LHFPL2: variants seen among roughly 807,000 people sequenced by gnomAD.
LHFPL2 encodes the protein LHFPL tetraspan subfamily member 2 protein.
Under a neutral mutation model 17.5 loss-of-function variants are expected in LHFPL2, and 7 were observed. The ratio of observed to expected loss-of-function variants is 0.40; its 90% CI spans 0.23 to 0.75. The LOEUF is 0.75. Among genes scored for constraint, LHFPL2 ranks in the 30% least tolerant of loss-of-function variants. The pLI is 0.37. For missense variants in LHFPL2, 241 were observed against 294.8 expected, an observed-to-expected ratio of 0.82 and a Z score of 1.34; for synonymous variants, 134 against 116.2, an observed-to-expected ratio of 1.15 and a Z score of -0.99.
chr5:78,586,843 G>T (rs948282407), intron 2 of LHFPL2, among the ~76,000 whole-genome samples: 2 of 152,186 alleles, frequency 1.3e-5, no homozygotes, highest in Admixed American at 6.5e-5. Context: ...CTAGAAAGGA[G>T]CATTTCCACA....
At chr5:78,511,142 G>A (rs1439576123) in intron 3 of LHFPL2, among the ~76,000 whole-genome samples, 1 of 151,984 alleles carries the variant, frequency 6.6e-6, no homozygotes, top group Non-Finnish European at 1.5e-5. Flanking sequence ...GACTTACTTG[G>A]GGAAATTATT....
chr5:78,592,521 C>CGAG (rs1743662033), intron 2 of LHFPL2, among the ~76,000 whole-genome samples: 1 of 152,172 alleles, frequency 6.6e-6, no homozygotes, highest in Non-Finnish European at 1.5e-5. Flanking sequence ...CAATTATGTA[C>CGAG]GAGACTGGCC....
At chr5:78,564,465 AATG>A (rs1192517984) in intron 3 of LHFPL2, among the ~76,000 whole-genome samples, 2 of 152,182 alleles carry the variant, frequency 1.3e-5, no homozygotes, top group East Asian at 1.9e-4. Flanking sequence ...AAATGATAAA[AATG>A]ATGAAATGGT....
chr5:78,627,920 G>A (rs1745110421), intron 2 of LHFPL2, among the ~76,000 whole-genome samples: 1 of 152,202 alleles, frequency 6.6e-6, no homozygotes, highest in Non-Finnish European at 1.5e-5. Context: ...TCCCAACTCT[G>A]CAGGAGCTCA....
chr5:78,639,332 AAAACAAACAAAC>A (rs751237454), intron 1 of LHFPL2, among the ~76,000 whole-genome samples: 1 of 152,182 alleles, frequency 6.6e-6, no homozygotes, highest in African/African-American at 2.4e-5. Flanking sequence ...CAAGCTGGGA[AAAACAAACAAAC>A]AAACAAACAA....
chr5:78,561,184 G>T (rs899135532), intron 3 of LHFPL2, among the ~76,000 whole-genome samples: 1 of 152,144 alleles, frequency 6.6e-6, no homozygotes, highest in Non-Finnish European at 1.5e-5. Context: ...AAAATTTACA[G>T]TAGAAAAAGT....
At chr5:78,580,465 T>A (rs1743081227) in intron 2 of LHFPL2, among the ~76,000 whole-genome samples, 1 of 150,672 alleles carries the variant, frequency 6.6e-6, no homozygotes. Flanking sequence ...CTTCTAGGGT[T>A]TTTACGGTTT....
At chr5:78,489,203 CTGTCCAGATCTGT>C (rs1202993211) in intron 4 of LHFPL2, 50 bp from the exon 5 acceptor site, 2 of 1,595,470 alleles carry the variant, frequency 1.3e-6, no homozygotes, top group Admixed American at 3.4e-5. Flanking sequence ...GGTGCTACAA[CTGTCCAGATCTGT>C]TGTAATTGTT....
intron 2 of LHFPL2, among the ~76,000 whole-genome samples, chr5:78,588,327 C>T (rs1743505025): frequency 6.6e-6 from 1 of 152,208 alleles, no homozygotes; most frequent in Non-Finnish European, 1.5e-5. Context: ...CATGACACAG[C>T]ACCCAGCTTA....
At chr5:78,604,131 C>T (rs1168359203) in intron 2 of LHFPL2, among the ~76,000 whole-genome samples, 1 of 152,118 alleles carries the variant, frequency 6.6e-6, no homozygotes, top group Non-Finnish European at 1.5e-5. Flanking sequence ...TAAAGCAATA[C>T]TATATACCCA....
At position 78,510,405 on chromosome 5, in the gene LHFPL2, G is replaced by A; in HGVS notation, c.-185-7C>T. ...GCACCGCCTGCGGCCTCACCTAGGG[G>A]AGAGGGAGGGCGGTTAGCAGCGCCG... On this transcript the variant is annotated splice_polypyrimidine_tract_variant and splice_region_variant and intron_variant, in intron 3 of 4. Coordinates refer to ENST00000380345, the MANE Select transcript of LHFPL2 (RefSeq NM_005779.3). 1 of 589,678 alleles carries A rather than the reference G, an allele frequency of 1.7e-6. No individual in the cohort carries two copies. The highest frequency in any genetic ancestry group is 2.9e-6 in the Non-Finnish European group (1 of 346,532). The allele number at this position is 589,678 out of a possible 1,614,324, so 36.5% of individuals were successfully genotyped here.
Position 78,585,006 on chromosome 5 carries a change from T to G in LHFPL2, c.-244-20135A>C, listed in dbSNP as rs1328337020. On this transcript the variant is annotated intron_variant, in intron 2 of 4. Transcript: ENST00000380345. ...TCCTGGTGCGCTGTGTTTTTTTTTT[T>G]TTTTTTTTTTTTTTTTTTGAGACGG... is the stretch of plus-strand genomic sequence containing the variant. 9.3e-4 allele frequency among the ~76,000 whole-genome samples: 48 copies of G among 51,776 alleles called. 11 individuals are homozygous for G. Among genetic ancestry groups the G allele is most frequent in the African/African-American group, 2.5e-3 (43 of 16,880 alleles). The allele number at this position is 51,776 out of a possible 152,430, so 34.0% of individuals were successfully genotyped here.
intron 3 of LHFPL2, among the ~76,000 whole-genome samples, chr5:78,563,433 C>T (rs575843351): frequency 9.9e-5 from 15 of 152,202 alleles, no homozygotes; most frequent in Middle Eastern, 3.4e-3. Flanking sequence ...TGGTGACTCA[C>T]GCCTGTAATC....
At chr5:78,580,307 C>G (rs1256601223) in intron 2 of LHFPL2, among the ~76,000 whole-genome samples, 2 of 152,190 alleles carry the variant, frequency 1.3e-5, no homozygotes, top group Non-Finnish European at 2.9e-5. Flanking sequence ...CCTGTTCACA[C>G]TGATGGTAAT....
intron 2 of LHFPL2, among the ~76,000 whole-genome samples, chr5:78,619,700 G>A (rs1449746307): frequency 1.5e-5 from 2 of 137,028 alleles, no homozygotes; most frequent in African/African-American, 5.5e-5. Flanking sequence ...CCCTTCCTGT[G>A]TCCGTCCATG....
chr5:78,535,416 C>G (rs1755918457), intron 3 of LHFPL2, among the ~76,000 whole-genome samples: 1 of 152,114 alleles, frequency 6.6e-6, no homozygotes, highest in Admixed American at 6.5e-5. Context: ...CTCAGTGCCT[C>G]CCAAAGGGAA....
intron 1 of LHFPL2, among the ~76,000 whole-genome samples, chr5:78,632,616 A>G (rs1745293404): frequency 6.6e-6 from 1 of 152,188 alleles, no homozygotes; most frequent in Non-Finnish European, 1.5e-5. Flanking sequence ...CCCCTGCAGT[A>G]CCTACCTCAG....
chr5:78,491,632 C>T (rs1360840558), intron 4 of LHFPL2, among the ~76,000 whole-genome samples: 2 of 152,212 alleles, frequency 1.3e-5, no homozygotes, highest in Non-Finnish European at 2.9e-5. Context: ...GTTAAGAGCT[C>T]TGACTTTAGA....
intron 1 of LHFPL2, among the ~76,000 whole-genome samples, chr5:78,635,910 C>A (rs1218696327): frequency 6.6e-6 from 1 of 152,190 alleles, no homozygotes; most frequent in Non-Finnish European, 1.5e-5. Context: ...GATCACCTGG[C>A]TTTTCATTAC....
Sources: gnomAD v4.1 joint callset for allele counts (sites outside exome capture counted in the v4.1 genomes callset) on GRCh38, gnomAD v4.1.1 for gene constraint, MANE v1.5 for transcripts, NCBI Gene and HGNC (gene_info 2026-07-23, HGNC 2026-07-21) for gene names.